MYO3B: variants seen among roughly 807,000 people sequenced by gnomAD.
MYO3B encodes myosin-IIIb.
Under a neutral mutation model 174.6 loss-of-function variants are expected in MYO3B, and 156 were observed. That is an observed-to-expected ratio of 0.89 (90% CI 0.78 to 1.02). MYO3B has a LOEUF of 1.02. Among genes scored for constraint, MYO3B ranks in the 50% least tolerant of loss-of-function variants. The pLI is 0.00. For synonymous variants in MYO3B, 563 were observed against 569.1 expected (o/e 0.99, Z 0.15); for missense variants, 1,632 against 1,639.4 (o/e 1.00, Z 0.08).
At chr2:170,194,548 T>C (rs1050237855) in intron 1 of MYO3B, among the ~76,000 whole-genome samples, 1 of 152,068 alleles carries the variant, frequency 6.6e-6, no homozygotes, top group African/African-American at 2.4e-5. Flanking sequence ...ATGGTTTACA[T>C]ATTTTTCTGG....
In MYO3B at chr2:170,466,550, C is replaced by A. The variant is rs1684643457; in HGVS notation, c.2853C>A (p.Pro951=). ...DLLSKMVVGQ[P]HFVRCIKPND... is the part of the protein sequence containing the mutation. ...TCTCCAAAATGGTGGTTGGACAGCC[C>A]CACTTTGTGCGCTGCATTAAACCCA... The change falls in exon 25 of 35, where the codon CCC becomes CCA. Residue 951 remains proline (P), a synonymous_variant. Coordinates refer to ENST00000408978, the MANE Select transcript of MYO3B (RefSeq NM_138995.5). 4 of 1,614,116 alleles carry A rather than the reference C, an allele frequency of 2.5e-6. No homozygotes were observed. The highest frequency in any genetic ancestry group is 2.5e-6 in the Non-Finnish European group (3 of 1,180,030).
intron 32 of MYO3B, among the ~76,000 whole-genome samples, chr2:170,561,123 A>G (rs991533894): frequency 3.9e-5 from 6 of 152,168 alleles, no homozygotes; most frequent in Non-Finnish European, 7.3e-5. Flanking sequence ...TATTCAGTCC[A>G]TTAATGGAAC....
chr2:170,185,348 A>G (rs1187329323), intron 1 of MYO3B, among the ~76,000 whole-genome samples: 1 of 151,880 alleles, frequency 6.6e-6, no homozygotes, highest in Non-Finnish European at 1.5e-5. Flanking sequence ...ATTTTATTTC[A>G]TTCATTTGCA....
In MYO3B at chr2:170,652,963, T is replaced by C; in HGVS notation, c.3888-20T>C. On this transcript the variant is annotated intron_variant, in intron 34 of 34. Transcript: ENST00000408978. ...TTGTTTTATTTTTTGTTGAAAATCCTGTTGTTTTCTTTGTTGCAGCCAAAT... is the reference window on the plus strand; with the variant it reads ...TTGTTTTATTTTTTGTTGAAAATCCCGTTGTTTTCTTTGTTGCAGCCAAAT... The C allele has an allele frequency of 6.2e-7, 1 of 1,612,720 alleles. No homozygotes were observed. Among genetic ancestry groups the C allele is most frequent in the Non-Finnish European group, 8.5e-7 (1 of 1,179,458 alleles).
chr2:170,307,926 G>A (rs879664413), intron 7 of MYO3B, among the ~76,000 whole-genome samples: 1 of 152,200 alleles, frequency 6.6e-6, no homozygotes, highest in Non-Finnish European at 1.5e-5. Context: ...CCAGTCTTCA[G>A]TCTGGTCCAG....
chr2:170,491,139 A>C (rs1316480564), intron 25 of MYO3B, among the ~76,000 whole-genome samples: 1 of 151,914 alleles, frequency 6.6e-6, no homozygotes, highest in Non-Finnish European at 1.5e-5. Flanking sequence ...CTTATGGTGG[A>C]GGTGAGGTCA....
At chr2:170,201,440 T>C (rs1284960874) in intron 3 of MYO3B, among the ~76,000 whole-genome samples, 1 of 152,174 alleles carries the variant, frequency 6.6e-6, no homozygotes, top group African/African-American at 2.4e-5. Flanking sequence ...CACTGTCTGG[T>C]ACCTCTTGTC....
intron 32 of MYO3B, among the ~76,000 whole-genome samples, chr2:170,619,131 T>C (rs917935815): frequency 6.6e-6 from 1 of 152,190 alleles, no homozygotes; most frequent in Non-Finnish European, 1.5e-5. Flanking sequence ...AGGGCGTTTC[T>C]AGCCCTATCT....
intron 23 of MYO3B, among the ~76,000 whole-genome samples, chr2:170,444,504 A>G (rs1182680913): frequency 6.6e-6 from 1 of 152,238 alleles, no homozygotes; most frequent in Non-Finnish European, 1.5e-5. Flanking sequence ...AAGTTTAACA[A>G]GAGTCTTAAG....
chr2:170,270,570 G>A (rs1046450915), intron 7 of MYO3B, among the ~76,000 whole-genome samples: 4 of 152,164 alleles, frequency 2.6e-5, no homozygotes, highest in Admixed American at 6.5e-5. Flanking sequence ...TTGACTTCAT[G>A]TTGTTTAAAA....
chr2:170,274,526 A>G (rs955128694), intron 7 of MYO3B, among the ~76,000 whole-genome samples: 4 of 152,330 alleles, frequency 2.6e-5, no homozygotes, highest in Non-Finnish European at 4.4e-5. Flanking sequence ...GTGAACTAAC[A>G]GTAGGCACTA....
chr2:170,514,743 C>T (rs1688196524), intron 28 of MYO3B, among the ~76,000 whole-genome samples, 178 bp from the exon 29 acceptor site: 1 of 152,358 alleles, frequency 6.6e-6, no homozygotes, highest in South Asian at 2.1e-4. Context: ...CCTTTCTCAA[C>T]TACACTGTAT....
At chr2:170,583,583 C>G (rs1693299258) in intron 32 of MYO3B, among the ~76,000 whole-genome samples, 1 of 152,158 alleles carries the variant, frequency 6.6e-6, no homozygotes, top group African/African-American at 2.4e-5. Context: ...AAGATGGATA[C>G]TAGGATTGTC....
chr2:170,409,082 T>C (rs2105819152), intron 22 of MYO3B, among the ~76,000 whole-genome samples: 1 of 152,328 alleles, frequency 6.6e-6, no homozygotes, highest in Non-Finnish European at 1.5e-5. Context: ...ACATGCTCTC[T>C]GGGAAAAAAA....
chr2:170,519,302 A>C, intron 29 of MYO3B, 136 bp from the exon 30 acceptor site: 1 of 603,476 alleles, frequency 1.7e-6, no homozygotes, highest in South Asian at 2.1e-5. Flanking sequence ...GACATATCCT[A>C]GAAAAAAAAC....
In MYO3B at chr2:170,490,028, C is replaced by CTT. The variant is rs751661221; in HGVS notation, c.3015-8562_3015-8561dup. On this transcript the variant is annotated intron_variant, in intron 25 of 34. Transcript: ENST00000408978. Reference sequence around the variant, plus strand: ...TATTTTTTCATTTTCAGTTTCTTTTCTTTCTTTTTTTTTTTTTTGAGATGG... The same window carrying CTT: ...TATTTTTTCATTTTCAGTTTCTTTTCTTTTTCTTTTTTTTTTTTTTGAGATGG... Among the ~76,000 whole-genome samples, 103 of 145,926 alleles carry CTT rather than the reference C, an allele frequency of 7.1e-4. 1 individual carries two copies. The highest frequency in any genetic ancestry group is 2.4e-3 in the African/African-American group (92 of 38,374).
intron 7 of MYO3B, among the ~76,000 whole-genome samples, chr2:170,251,665 T>C (rs914615678): frequency 5.3e-5 from 8 of 152,194 alleles, no homozygotes; most frequent in Non-Finnish European, 1.0e-4. Context: ...TTACAGGTTT[T>C]AGAAGGTGAG....
chr2:170,395,562 T>A (rs1365927184), intron 16 of MYO3B, among the ~76,000 whole-genome samples: 3 of 152,170 alleles, frequency 2.0e-5, no homozygotes, highest in Admixed American at 6.5e-5. Flanking sequence ...TGTGAAAATA[T>A]GACTCGGGAG....
rs185424353 is a variant in MYO3B, at chr2:170,272,037, C to T, written c.749+35901C>T. On this transcript the variant is annotated intron_variant, in intron 7 of 34. Coordinates refer to ENST00000408978, the MANE Select transcript of MYO3B (RefSeq NM_138995.5). The stretch of plus-strand genomic sequence containing the variant: ...ATTTCTACATTTCATCTTACTGCTT[C>T]TAACCCAGTGATGTCCCTCTTTCTA... 2.6e-5 allele frequency among the ~76,000 whole-genome samples: 4 copies of T among 151,268 alleles called. No homozygotes were observed. The East Asian group carries it at 7.8e-4, about 29-fold the overall frequency.
Sources: allele counts gnomAD v4.1 joint callset (sites outside exome capture counted in the v4.1 genomes callset), GRCh38; gene constraint gnomAD v4.1.1; transcripts MANE v1.5; gene names NCBI Gene and HGNC (gene_info 2026-07-23, HGNC 2026-07-21).